MUC12: variants seen among roughly 807,000 people sequenced by gnomAD.
The protein encoded by MUC12 is mucin 12, cell surface associated, also known as mucin-12.
MUC12 carries 172 observed loss-of-function variants against 230.8 expected under a neutral mutation model. That is an observed-to-expected ratio of 0.75 (90% CI 0.66 to 0.85). The LOEUF is 0.85. Among genes scored for constraint, MUC12 ranks in the 40% least tolerant of loss-of-function variants. The pLI is 0.00. For missense variants in MUC12, 3,506 were observed against 5,920.6 expected, an observed-to-expected ratio of 0.59 and a Z score of 13.38; for synonymous variants, 1,259 against 2,401.9, an observed-to-expected ratio of 0.52 and a Z score of 13.91.
At chr7:101,008,597 G>A (rs1232111461) in intron 3 of MUC12, 37 bp from the exon 4 acceptor site, 1 of 1,527,954 alleles carries the variant, frequency 6.5e-7, no homozygotes, top group South Asian at 1.2e-5. Context: ...TTATTGGGAG[G>A]TCGCTGTCTC....
At chr7:101,008,812 G>A (rs1793797007) in intron 4 of MUC12, 51 bp downstream of exon 4, 3 of 1,506,368 alleles carry the variant, frequency 2.0e-6, no homozygotes, top group Non-Finnish European at 2.7e-6. Flanking sequence ...CACGTGAGAG[G>A]AAATTGGGGG....
At position 101,004,385 on chromosome 7, in the gene MUC12, A is replaced by C. The variant is rs1203062555; in HGVS notation, c.13822A>C (p.Ser4608Arg). ...TGAAGAATCTACGGCGTACCACAGC[A>C]GCCCGGGCTCAACTCAAACAATGCA... ...LVEESTAYHS[S>R]PGSTQTMHFP... The change falls in exon 2 of 12, where the codon AGC becomes CGC. Residue 4608 changes from serine (S) to arginine (R), a missense_variant. By Grantham distance (110) the Ser-to-Arg change is moderately radical. Coordinates refer to ENST00000536621, the MANE Select transcript of MUC12 (RefSeq NM_001164462.2). The C allele has an allele frequency of 6.7e-7, 1 of 1,483,944 alleles. No homozygotes were observed. The highest frequency in any genetic ancestry group is 8.9e-7 in the Non-Finnish European group (1 of 1,121,730). 91.9% of individuals were successfully genotyped at this position (1,483,944 alleles called of 1,614,324 possible).
At chr7:100,990,579 G>A (rs1793264513) in intron 1 of MUC12, 52 bp from the exon 2 acceptor site, 2 of 1,533,116 alleles carry the variant, frequency 1.3e-6, no homozygotes, top group Non-Finnish European at 1.7e-6. Flanking sequence ...CACCAAACAT[G>A]AGGAGACAGT....
chr7:101,005,333 T>C lies in MUC12; in HGVS notation c.14770T>C (p.Ser4924Pro). ...ATGTTPLPAR[S>P]TASDLVGEPT... ...TGGAACAACACCCTTACCTGCCCGC[T>C]CCACAGCCTCAGACCTTGTTGGAGA... Residue 4924 changes from serine to proline, a missense_variant, in exon 2 of 12, where the codon TCC becomes CCC. Physicochemically the swap from Ser to Pro is moderately conservative, Grantham distance 74. Coordinates refer to ENST00000536621, the MANE Select transcript of MUC12 (RefSeq NM_001164462.2). 1 of 1,537,854 alleles carries C rather than the reference T, an allele frequency of 6.5e-7. No individual in the cohort carries two copies. The highest frequency in any genetic ancestry group is 8.7e-7 in the Non-Finnish European group (1 of 1,147,046).
chr7:100,986,417 C>CAAAA (rs111411249), intron 1 of MUC12, among the ~76,000 whole-genome samples: 1 of 135,058 alleles, frequency 7.4e-6, no homozygotes, highest in Non-Finnish European at 1.6e-5. Context: ...GACCCTGTCT[C>CAAAA]AAAAAAAAAA....
intron 1 of MUC12, among the ~76,000 whole-genome samples, chr7:100,976,878 C>A (rs998582526): frequency 6.6e-6 from 1 of 151,582 alleles, no homozygotes; most frequent in African/African-American, 2.4e-5. Context: ...TGGTGAAACC[C>A]CATCTCTACT....
intron 1 of MUC12, among the ~76,000 whole-genome samples, chr7:100,975,945 C>T (rs1793023757): frequency 6.6e-6 from 1 of 152,298 alleles, no homozygotes; most frequent in South Asian, 2.1e-4. Flanking sequence ...GACACCCACA[C>T]CACAGTTGGA....
chr7:100,991,372 C>G lies in MUC12; in HGVS notation c.809C>G (p.Thr270Ser). Residue 270 changes from threonine (T) to serine (S), a missense_variant, in exon 2 of 12, where the codon ACC becomes AGC. Coordinates refer to ENST00000536621, the MANE Select transcript of MUC12 (RefSeq NM_001164462.2). ...HTTLSPSSST[T>S]HEGEPTTFQS... ...ACACTGTCCCCTTCCAGCTCTACAA[C>G]CCATGAGGGAGAACCTACCACCTTC... 4 of 1,537,810 alleles carry G rather than the reference C, an allele frequency of 2.6e-6. No homozygotes were observed. Among genetic ancestry groups the G allele is most frequent in the Non-Finnish European group, 3.5e-6 (4 of 1,147,036 alleles).
At position 101,008,548 on chromosome 7, in the gene MUC12, G is replaced by T. The variant is rs549688252; in HGVS notation, c.15059-86G>T. 8.2e-5 allele frequency: 119 copies of T among 1,446,026 alleles called. 2 individuals are homozygous for T. The African/African-American group carries it at 1.5e-3, about 19-fold the overall frequency. 89.6% of individuals were successfully genotyped at this position (1,446,026 alleles called of 1,614,324 possible). A position where few individuals can be genotyped will look rare whatever the true frequency, so the allele number is the denominator to read the frequency against. ...CCTCTTAAGTTTCTTTCACCTTCAA[G>T]ACACCCACAGGCAGAGAATGTATCA... On this transcript the variant is annotated intron_variant, in intron 3 of 11. Transcript: ENST00000536621.
In MUC12 at chr7:101,017,587, G is replaced by C; in HGVS notation, c.15890G>C (p.Arg5297Thr). ...CCTCTCCCTACAGACCAGAATCTGA[G>C]GGAGAGCAGATTCGGCCTTGAGAAC... ...KTAIWEDQNLRESRFGLENAY... is the reference protein window; with the variant it reads ...KTAIWEDQNLTESRFGLENAY... The change falls in exon 11 of 12, where the codon AGG (arginine) becomes ACG (threonine). Residue 5297 changes from arginine (R) to threonine (T), a missense_variant. Arg to Thr is a moderately conservative substitution (Grantham distance 71, BLOSUM62 -1). Coordinates refer to ENST00000536621, the MANE Select transcript of MUC12 (RefSeq NM_001164462.2). 1 of 1,535,560 alleles carries C rather than the reference G, an allele frequency of 6.5e-7. No homozygotes were observed.
Position 101,018,775 on chromosome 7 carries a change from T to G in MUC12, c.*139T>G. On this transcript the variant is annotated 3_prime_UTR_variant, in exon 12 of 12. Transcript: ENST00000536621. ...CGGTCCTGCTCTGAGCTGACAGACT[T>G]GGCCAGTCCCCTGCCTGTGCTCCTG... 1 of 829,628 alleles carries G rather than the reference T, an allele frequency of 1.2e-6. No homozygotes were observed. The allele number at this position is 829,628 out of a possible 1,614,324, so 51.4% of individuals were successfully genotyped here. A position where few individuals can be genotyped will look rare whatever the true frequency, so the allele number is the denominator to read the frequency against.
At position 101,004,682 on chromosome 7, in the gene MUC12, C is replaced by T. The variant is rs778652108; in HGVS notation, c.14119C>T (p.Arg4707Cys). ...ACCTGCCCATTTTACTACCTCAGGC[C>T]GCATTGCAGAATCTACCACCTTCTA... Reference protein sequence around the residue: ...PLPAHFTTSGRIAESTTFYIS... With the variant: ...PLPAHFTTSGCIAESTTFYIS... Residue 4707 changes from arginine (R) to cysteine (C), a missense_variant, in exon 2 of 12, where the codon CGC (arginine) becomes TGC (cysteine). Coordinates refer to ENST00000536621, the MANE Select transcript of MUC12 (RefSeq NM_001164462.2). 88 of 1,537,742 alleles carry T rather than the reference C, an allele frequency of 5.7e-5. No homozygotes were observed. The Middle Eastern group carries it at 8.3e-4, about 15-fold the overall frequency.
chr7:101,008,799 T>C (rs1160278327), intron 4 of MUC12, 38 bp downstream of exon 4: 1 of 1,517,282 alleles, frequency 6.6e-7, no homozygotes, highest in African/African-American at 1.4e-5. Context: ...CAGGGTGATG[T>C]CCCACGTGAG....
intron 1 of MUC12, among the ~76,000 whole-genome samples, chr7:100,983,789 T>C (rs1793145639): frequency 6.6e-6 from 1 of 152,230 alleles, no homozygotes. Context: ...ACGTCCTTTA[T>C]ATGCTTTTTC....
intron 10 of MUC12, among the ~76,000 whole-genome samples, chr7:101,016,654 G>T (rs546977554): frequency 5.9e-4 from 87 of 146,366 alleles, no homozygotes; most frequent in African/African-American, 2.1e-3. Flanking sequence ...CATTCAGGGA[G>T]CACTAAAGCA....
intron 1 of MUC12, among the ~76,000 whole-genome samples, chr7:100,980,989 T>C (rs890256220): frequency 4.6e-5 from 7 of 152,186 alleles, no homozygotes; most frequent in African/African-American, 1.4e-4. Flanking sequence ...TTTAGAACTA[T>C]GATGCCAAGT....
chr7:100,989,231 C>T (rs557962456), intron 1 of MUC12, among the ~76,000 whole-genome samples: 108 of 151,910 alleles, frequency 7.1e-4, no homozygotes, highest in Non-Finnish European at 1.0e-4. Context: ...GCCTCAGCCT[C>T]CCAAGTAGCT....
chr7:101,017,278 C>T, intron 10 of MUC12: 1 of 330,268 alleles, frequency 3.0e-6, no homozygotes, highest in South Asian at 7.1e-5. Context: ...CCACTCTGAC[C>T]TCACCCCTGA....
Position 100,991,734 on chromosome 7 carries a change from G to A in MUC12, c.1171G>A (p.Gly391Ser), listed in dbSNP as rs372890994. The change falls in exon 2 of 12, where the codon GGC becomes AGC. Residue 391 changes from glycine (G) to serine (S), a missense_variant. Transcript: ENST00000536621. ...GHSEESATFH[G>S]STTHTKSSTP... ...TAGTGAAGAATCAGCAACTTTCCAC[G>A]GCAGCACAACACACACAAAATCTTC... is the stretch of plus-strand genomic sequence containing the variant. 555 of 1,537,404 alleles carry A rather than the reference G, an allele frequency of 3.6e-4. 21 individuals are homozygous for A. The highest frequency in any genetic ancestry group is 2.8e-3 in the East Asian group (116 of 40,872).
Sources: allele counts gnomAD v4.1 joint callset (sites outside exome capture counted in the v4.1 genomes callset), GRCh38; gene constraint gnomAD v4.1.1; transcripts MANE v1.5; gene names NCBI Gene and HGNC (gene_info 2026-07-23, HGNC 2026-07-21).